Variants in TYW1 observed in about 807,000 individuals in gnomAD.
TYW1 encodes the protein S-adenosyl-L-methionine-dependent tRNA 4-demethylwyosine synthase TYW1.
In TYW1, 46 loss-of-function variants were observed where a neutral mutation model predicts 96.2. That is an observed-to-expected ratio of 0.48 (90% confidence interval 0.38 to 0.61). TYW1 has a LOEUF of 0.61. Among genes scored for constraint, TYW1 ranks in the 20% least tolerant of loss-of-function variants. The probability of loss-of-function intolerance (pLI) is 0.00; values close to 1 mark genes in which losing one functional copy is unlikely to be tolerated. For synonymous variants in TYW1, 274 were observed against 323.0 expected, an observed-to-expected ratio of 0.85 and a Z score of 1.63; for missense variants, 684 against 909.6, an observed-to-expected ratio of 0.75 and a Z score of 3.19.
At position 67,233,488 on chromosome 7, in the gene TYW1, T is replaced by A. The variant is rs796869711; in HGVS notation, c.1978-4820T>A. 2.6e-4 allele frequency among the ~76,000 whole-genome samples: 35 copies of A among 134,914 alleles called. 6 individuals are homozygous for A. Among genetic ancestry groups the A allele is most frequent in the South Asian group, 5.0e-4 (2 of 4,022 alleles). The allele number at this position is 134,914 out of a possible 152,430, so 88.5% of individuals were successfully genotyped here. A position where few individuals can be genotyped will look rare whatever the true frequency, so the allele number is the denominator to read the frequency against. On this transcript the variant is annotated intron_variant, in intron 15 of 15. Coordinates refer to ENST00000359626, the MANE Select transcript of TYW1 (RefSeq NM_018264.4). ...CACAGACCCTTAGCAGCCTGGCTTT[T>A]TTAAGTCAGGCTGTATCTTATTGCA...
intron 15 of TYW1, among the ~76,000 whole-genome samples, chr7:67,210,919 A>ACCAT (rs57804156): frequency 3.0e-4 from 39 of 130,292 alleles, no homozygotes; most frequent in South Asian, 1.3e-3. Context: ...CATCTATCCA[A>ACCAT]CCATCCATCC....
chr7:67,201,854 G>A (rs796415899), intron 15 of TYW1, among the ~76,000 whole-genome samples: 3 of 152,302 alleles, frequency 2.0e-5, no homozygotes, highest in African/African-American at 7.2e-5. Context: ...GGTCAAAAGA[G>A]ATACCTAGCA....
intron 5 of TYW1, 107 bp from the exon 6 acceptor site, chr7:67,017,746 C>A: frequency 1.4e-6 from 2 of 1,447,046 alleles, no homozygotes; most frequent in Non-Finnish European, 1.9e-6. Flanking sequence ...TCCTTAGCGG[C>A]AGCCCATGAC....
chr7:67,178,169 A>G (rs1184815839), intron 13 of TYW1, among the ~76,000 whole-genome samples: 1 of 136,402 alleles, frequency 7.3e-6, no homozygotes, highest in Non-Finnish European at 1.6e-5. Context: ...ATCTCAAGCC[A>G]GAAAAAAAAA....
At chr7:67,191,830 G>T (rs1294393680) in intron 14 of TYW1, among the ~76,000 whole-genome samples, 1 of 152,018 alleles carries the variant, frequency 6.6e-6, no homozygotes, top group Non-Finnish European at 1.5e-5. Flanking sequence ...TGGCTCTGCG[G>T]TTGACTCAGG....
At chr7:67,072,582 AT>A (rs1159208580) in intron 10 of TYW1, among the ~76,000 whole-genome samples, 10 of 151,300 alleles carry the variant, frequency 6.6e-5, no homozygotes, top group Non-Finnish European at 1.2e-4. Flanking sequence ...CTTATTATAG[AT>A]TTTTTTTTAA....
intron 11 of TYW1, among the ~76,000 whole-genome samples, chr7:67,090,179 G>A (rs1206661681): frequency 2.0e-5 from 3 of 152,140 alleles, no homozygotes; most frequent in Non-Finnish European, 4.4e-5. Flanking sequence ...ATGTGAAGGT[G>A]GGGAAGAGAA....
At chr7:67,021,231 G>T (rs1441707624) in intron 6 of TYW1, among the ~76,000 whole-genome samples, 1 of 152,266 alleles carries the variant, frequency 6.6e-6, no homozygotes, top group Non-Finnish European at 1.5e-5. Context: ...GCAGGTCTGT[G>T]TTACTTCTCT....
intron 14 of TYW1, among the ~76,000 whole-genome samples, chr7:67,184,591 CATTTTATTTTATTTT>C (rs202120294): frequency 0.051 from 4,259 of 83,646 alleles, 847 homozygotes; most frequent in Non-Finnish European, 0.063. Context: ...TCTGAGATGA[CATTTTATTTTATTTT>C]ATTTTATTTT....
chr7:67,172,688 G>T (rs1043172118), intron 13 of TYW1, among the ~76,000 whole-genome samples: 4 of 152,186 alleles, frequency 2.6e-5, no homozygotes, highest in Non-Finnish European at 5.9e-5. Flanking sequence ...CTCCCAGAGT[G>T]CTGGGGTTAT....
At chr7:67,086,392 G>T (rs1222246269) in intron 11 of TYW1, among the ~76,000 whole-genome samples, 1 of 152,126 alleles carries the variant, frequency 6.6e-6, no homozygotes, top group Non-Finnish European at 1.5e-5. Context: ...TGGAGAGTGT[G>T]TTAGGGTTCT....
intron 12 of TYW1, among the ~76,000 whole-genome samples, chr7:67,106,223 A>G (rs1253378542): frequency 6.6e-6 from 1 of 152,204 alleles, no homozygotes; most frequent in Non-Finnish European, 1.5e-5. Flanking sequence ...TATGTTTCAT[A>G]TGCAATCCGC....
At chr7:67,200,124 C>G (rs748757542) in intron 15 of TYW1, among the ~76,000 whole-genome samples, 25 of 152,124 alleles carry the variant, frequency 1.6e-4, no homozygotes, top group African/African-American at 3.1e-4. Flanking sequence ...CAGTGCAAAA[C>G]CAGACATGGC....
chr7:67,044,998 C>G (rs1795142294), intron 7 of TYW1, among the ~76,000 whole-genome samples: 1 of 152,144 alleles, frequency 6.6e-6, no homozygotes, highest in Admixed American at 6.6e-5. Flanking sequence ...CAGAAAGACT[C>G]TTTCCCAGGA....
At chr7:67,007,305 C>A (rs1793632272) in intron 3 of TYW1, among the ~76,000 whole-genome samples, 1 of 152,160 alleles carries the variant, frequency 6.6e-6, no homozygotes, top group Non-Finnish European at 1.5e-5. Flanking sequence ...ATAAAAACAA[C>A]TGGAGCTCTT....
intron 3 of TYW1, among the ~76,000 whole-genome samples, chr7:67,000,426 G>A (rs1332672054): frequency 6.6e-6 from 1 of 152,040 alleles, no homozygotes; most frequent in Admixed American, 6.6e-5. Context: ...AGCCTCCCTA[G>A]TAGCTGGGAT....
At chr7:67,237,831 G>A (rs929577025) in intron 15 of TYW1, among the ~76,000 whole-genome samples, 123 of 152,234 alleles carry the variant, frequency 8.1e-4, no homozygotes, top group African/African-American at 2.9e-3. Flanking sequence ...GCTAGTTTGA[G>A]TCATTTAGTT....
intron 13 of TYW1, among the ~76,000 whole-genome samples, chr7:67,121,409 C>T (rs1797756689): frequency 6.6e-6 from 1 of 152,060 alleles, no homozygotes; most frequent in African/African-American, 2.4e-5. Context: ...GGAGTGGTGG[C>T]AGGTACCTGT....
rs188976453 is a variant in TYW1 at position 67,099,781 on chromosome 7, T to C, written c.1562+1063T>C. Among the ~76,000 whole-genome samples, 341 of 152,286 alleles carry C rather than the reference T, an allele frequency of 2.2e-3. 2 individuals carry two copies. Among genetic ancestry groups the C allele is most frequent in the African/African-American group, 7.8e-3 (326 of 41,570 alleles). On this transcript the variant is annotated intron_variant, in intron 12 of 15. Transcript: ENST00000359626. ...ACTTTGGGAGACTGAGGCCGGTGGA[T>C]CACCTGAGGTTGAGAGTTCAAGACC... is the stretch of plus-strand genomic sequence containing the variant.
Sources: gnomAD v4.1 joint callset for allele counts (sites outside exome capture counted in the v4.1 genomes callset) on GRCh38, gnomAD v4.1.1 for gene constraint, MANE v1.5 for transcripts, NCBI Gene and HGNC (gene_info 2026-07-23, HGNC 2026-07-21) for gene names.